Variants in KCNH8 observed in about 807,000 individuals in gnomAD.
The protein encoded by KCNH8 is voltage-gated delayed rectifier potassium channel KCNH8.
KCNH8 carries 70 observed loss-of-function variants against 103.6 expected under a neutral mutation model. The observed-to-expected ratio is 0.68, with a 90% CI of 0.56 to 0.82. KCNH8 has a LOEUF of 0.82. Ranked by LOEUF, KCNH8 falls within the 40% of genes least tolerant of loss-of-function variation. The pLI, the probability that KCNH8 is intolerant of heterozygous loss-of-function variation, is 0.00. For synonymous variants in KCNH8, 498 were observed against 489.4 expected, an observed-to-expected ratio of 1.02 and a Z score of -0.23; for missense variants, 1,217 against 1,329.9, an observed-to-expected ratio of 0.92 and a Z score of 1.32.
At chr3:19,400,608 G>A (rs1335414660) in intron 7 of KCNH8, among the ~76,000 whole-genome samples, 3 of 151,940 alleles carry the variant, frequency 2.0e-5, no homozygotes, top group African/African-American at 4.8e-5. Flanking sequence ...GCCTAAAAGT[G>A]TATCTGTATC....
intron 7 of KCNH8, among the ~76,000 whole-genome samples, chr3:19,403,165 G>T (rs981147396): frequency 2.0e-5 from 3 of 151,188 alleles, no homozygotes; most frequent in Non-Finnish European, 4.4e-5. Flanking sequence ...TTGGGGTTTG[G>T]TTTTCTGATT....
chr3:19,361,203 A>G (rs1261064998), intron 5 of KCNH8, among the ~76,000 whole-genome samples: 1 of 152,152 alleles, frequency 6.6e-6, no homozygotes, highest in Non-Finnish European at 1.5e-5. Flanking sequence ...ACAACAAGAA[A>G]AAGAAGTCAT....
intron 3 of KCNH8, among the ~76,000 whole-genome samples, chr3:19,337,045 G>C (rs1044603485): frequency 1.3e-5 from 2 of 151,930 alleles, no homozygotes; most frequent in African/African-American, 4.8e-5. Flanking sequence ...TGATAACACA[G>C]ATAAGTAAAA....
At chr3:19,308,494 A>AT (rs2065158992) in intron 3 of KCNH8, among the ~76,000 whole-genome samples, 1 of 151,932 alleles carries the variant, frequency 6.6e-6, no homozygotes, top group Admixed American at 6.6e-5. Context: ...ACTTTTGATG[A>AT]TTCCCCACAA....
chr3:19,369,516 C>A (rs1355183642), intron 5 of KCNH8, among the ~76,000 whole-genome samples: 5 of 152,046 alleles, frequency 3.3e-5, no homozygotes, highest in African/African-American at 1.2e-4. Context: ...CGCCACCTAG[C>A]ATTTCAATGT....
chr3:19,330,558 G>A (rs1205088235), intron 3 of KCNH8, among the ~76,000 whole-genome samples: 1 of 152,174 alleles, frequency 6.6e-6, no homozygotes, highest in Non-Finnish European at 1.5e-5. Flanking sequence ...AATATTGGGA[G>A]CATCAAGTTA....
At chr3:19,155,084 T>C (rs1469625186) in intron 1 of KCNH8, among the ~76,000 whole-genome samples, 1 of 152,232 alleles carries the variant, frequency 6.6e-6, no homozygotes, top group African/African-American at 2.4e-5. Flanking sequence ...CTTTCCTTTA[T>C]AGTTGTTAAT....
chr3:19,148,795 C>T lies in KCNH8; in HGVS notation c.76C>T (p.His26Tyr), dbSNP rs768960561. 2 of 1,613,252 alleles carry T rather than the reference C, an allele frequency of 1.2e-6. No individual in the cohort carries two copies. The highest frequency in any genetic ancestry group is 2.7e-5 in the African/African-American group (2 of 74,922). Residue 26 changes from histidine to tyrosine, a missense_variant and splice_region_variant, in exon 1 of 16, where the codon CAT becomes TAT. This residue lies in a region of KCNH8 where 244 missense variants were observed against 256.8 expected (regional missense o/e 0.95). Transcript: ENST00000328405. ...DTIATRFDGTHSNFILANAQV... is the reference protein window; with the variant it reads ...DTIATRFDGTYSNFILANAQV... Reference sequence around the variant, plus strand: ...CATCGCCACCCGTTTTGACGGAACACGTAAGTCTTACACTTGAACGAGTGG... The same window carrying T: ...CATCGCCACCCGTTTTGACGGAACATGTAAGTCTTACACTTGAACGAGTGG...
chr3:19,275,995 C>G (rs1228356796), intron 2 of KCNH8, among the ~76,000 whole-genome samples: 2 of 152,004 alleles, frequency 1.3e-5, no homozygotes, highest in Non-Finnish European at 2.9e-5. Context: ...CCGAACAAAA[C>G]AGTAGCAAAT....
At chr3:19,377,205 G>T (rs920010546) in intron 5 of KCNH8, among the ~76,000 whole-genome samples, 1 of 152,172 alleles carries the variant, frequency 6.6e-6, no homozygotes, top group African/African-American at 2.4e-5. Flanking sequence ...GATATTAGTG[G>T]CAAGGAGACA....
At chr3:19,479,019 T>C (rs1306989193) in intron 11 of KCNH8, among the ~76,000 whole-genome samples, 1 of 152,178 alleles carries the variant, frequency 6.6e-6, no homozygotes. Context: ...AACCCAGCAT[T>C]ACCTCCTCTA....
At chr3:19,363,048 A>G (rs1456631081) in intron 5 of KCNH8, among the ~76,000 whole-genome samples, 1 of 152,138 alleles carries the variant, frequency 6.6e-6, no homozygotes, top group Non-Finnish European at 1.5e-5. Context: ...GATACACCAG[A>G]ACATTGCACA....
chr3:19,346,121 T>C (rs900379698), intron 4 of KCNH8, among the ~76,000 whole-genome samples: 1 of 152,112 alleles, frequency 6.6e-6, no homozygotes, highest in African/African-American at 2.4e-5. Flanking sequence ...TAATTCTTTA[T>C]TGTAGTAAAT....
chr3:19,470,844 TA>T (rs1026039166), intron 11 of KCNH8, among the ~76,000 whole-genome samples: 33 of 152,136 alleles, frequency 2.2e-4, no homozygotes, highest in Admixed American at 3.3e-4. Context: ...CAATCCCTTA[TA>T]AAAAATATAT....
At chr3:19,509,565 T>C (rs1467872367) in intron 11 of KCNH8, among the ~76,000 whole-genome samples, 1 of 152,174 alleles carries the variant, frequency 6.6e-6, no homozygotes. Context: ...TATAGTGCCA[T>C]AGTTTGATTT....
intron 1 of KCNH8, among the ~76,000 whole-genome samples, chr3:19,214,624 TC>T (rs2063801633): frequency 6.6e-6 from 1 of 152,216 alleles, no homozygotes; most frequent in African/African-American, 2.4e-5. Context: ...TCTCTCCTTC[TC>T]AATCCTGCTT....
intron 8 of KCNH8, among the ~76,000 whole-genome samples, chr3:19,445,817 T>C (rs1189145472): frequency 6.6e-6 from 1 of 152,034 alleles, no homozygotes; most frequent in East Asian, 1.9e-4. Context: ...TTAAAGAAAG[T>C]ATCAAACTAC....
At chr3:19,468,865 C>T (rs1478037863) in intron 11 of KCNH8, among the ~76,000 whole-genome samples, 1 of 152,172 alleles carries the variant, frequency 6.6e-6, no homozygotes, top group Non-Finnish European at 1.5e-5. Flanking sequence ...GATTTGCAAA[C>T]ATCTCTTGAT....
chr3:19,533,917 A>G lies in KCNH8; in HGVS notation c.3142A>G (p.Ser1048Gly). ...SETSLHLVLP[S>G]RSEEGSFSQG... ...AACATCTTTGCACCTAGTTCTCCCAAGCAGATCAGAGGAGGGCAGCTTCAG... is the reference window on the plus strand; with the variant it reads ...AACATCTTTGCACCTAGTTCTCCCAGGCAGATCAGAGGAGGGCAGCTTCAG... The change falls in exon 16 of 16, where the codon AGC becomes GGC. Residue 1048 changes from serine to glycine, a missense_variant. Physicochemically the swap from Ser to Gly is moderately conservative, Grantham distance 56. Around this residue, in one of 3 missense-constraint regions of KCNH8, gnomAD observed 558 missense variants for 495.8 expected, o/e 1.13. Transcript: ENST00000328405. 6.2e-7 allele frequency: 1 copy of G among 1,614,120 alleles called. No homozygotes were observed. Among genetic ancestry groups the G allele is most frequent in the Non-Finnish European group, 8.5e-7 (1 of 1,180,020 alleles).
Sources: gnomAD v4.1 joint callset for allele counts (sites outside exome capture counted in the v4.1 genomes callset) on GRCh38, gnomAD v4.1.1 for gene constraint, gnomAD v4.1.1 regional missense constraint, MANE v1.5 for transcripts, NCBI Gene and HGNC (gene_info 2026-07-23, HGNC 2026-07-21) for gene names.